The following TUSC3 variants were observed in gnomAD, a reference collection of about 807,000 sequenced individuals.
The protein encoded by TUSC3 is tumor suppressor candidate 3.
In TUSC3, 45 loss-of-function variants were observed where a neutral mutation model predicts 44.8. That is an observed-to-expected ratio of 1.00 (90% CI 0.79 to 1.29). The LOEUF (loss-of-function observed/expected upper bound fraction) is 1.29. TUSC3 is among the 50% of genes most tolerant of loss of function. The pLI is 0.00. For synonymous variants in TUSC3, 212 were observed against 152.9 expected (o/e 1.39, Z -2.85); for missense variants, 519 against 437.9 (o/e 1.19, Z -1.65).
the TUSC3 span, among the ~76,000 whole-genome samples, chr8:15,820,975 C>A: frequency 6.6e-6 from 1 of 152,256 alleles, no homozygotes; most frequent in African/African-American, 2.4e-5. Context: ...CTATTTGCCA[C>A]TTTTGTTACT....
At chr8:15,752,387 T>A (rs139024540) in intron 9 of TUSC3, among the ~76,000 whole-genome samples, 2 of 152,144 alleles carry the variant, frequency 1.3e-5, no homozygotes, top group East Asian at 3.9e-4. Flanking sequence ...TAAAATACAT[T>A]AATTAGACAG....
intron 1 of TUSC3, among the ~76,000 whole-genome samples, chr8:15,424,865 C>T (rs908055355): frequency 8.3e-5 from 12 of 144,708 alleles, no homozygotes; most frequent in East Asian, 4.1e-4. Context: ...GGTGACAGAG[C>T]GAGACTCTGT....
chr8:15,590,840 T>G (rs893136924), intron 1 of TUSC3, among the ~76,000 whole-genome samples: 2 of 151,848 alleles, frequency 1.3e-5, no homozygotes, highest in Non-Finnish European at 2.9e-5. Context: ...CCTGGCTAAT[T>G]TTTTTGTATT....
intron 1 of TUSC3, among the ~76,000 whole-genome samples, chr8:15,464,584 A>G (rs1034941260): frequency 6.6e-6 from 1 of 152,172 alleles, no homozygotes; most frequent in African/African-American, 2.4e-5. Flanking sequence ...TATCATCCTA[A>G]TATATCAGTC....
chr8:15,563,017 A>T (rs7825304), intron 1 of TUSC3, among the ~76,000 whole-genome samples: 76,490 of 151,770 alleles, frequency 0.5, 19,838 homozygotes, highest in East Asian at 0.62. Flanking sequence ...GTTACGTTAC[A>T]GTGGTTCATT....
At chr8:15,427,216 CA>C (rs1419313708) in intron 1 of TUSC3, among the ~76,000 whole-genome samples, 1 of 119,002 alleles carries the variant, frequency 8.4e-6, no homozygotes, top group African/African-American at 3.0e-5. Context: ...TCTAACGGTG[CA>C]GAAGGTTTTT....
At chr8:15,825,522 T>A in the TUSC3 span, among the ~76,000 whole-genome samples, 4 of 152,080 alleles carry the variant, frequency 2.6e-5, no homozygotes, top group African/African-American at 9.7e-5. Flanking sequence ...GAAGGAATTA[T>A]GGGAGCTACA....
chr8:15,652,620 CA>C (rs1806964016), intron 3 of TUSC3, among the ~76,000 whole-genome samples: 1 of 151,988 alleles, frequency 6.6e-6, no homozygotes, highest in East Asian at 1.9e-4. Flanking sequence ...TATGTAATTT[CA>C]AATAACCTAA....
intron 2 of TUSC3, among the ~76,000 whole-genome samples, chr8:15,528,829 C>T (rs1314627544): frequency 6.6e-6 from 1 of 152,132 alleles, no homozygotes; most frequent in Non-Finnish European, 1.5e-5. Context: ...CTTGAATTTT[C>T]TTAGTGAGTC....
intron 9 of TUSC3, 141 bp downstream of exon 9, chr8:15,748,606 C>T (rs756247872): frequency 2.5e-6 from 2 of 795,474 alleles, no homozygotes; most frequent in South Asian, 1.3e-5. Flanking sequence ...TGAGCACCTG[C>T]CATGTGTTCA....
At chr8:15,490,555 GA>G (rs1800794646) in intron 2 of TUSC3, among the ~76,000 whole-genome samples, 1 of 152,196 alleles carries the variant, frequency 6.6e-6, no homozygotes, top group African/African-American at 2.4e-5. Context: ...GAACAGCAGA[GA>G]GGGGATTTGG....
the TUSC3 span, among the ~76,000 whole-genome samples, chr8:15,830,915 C>T: frequency 2.6e-5 from 4 of 152,136 alleles, no homozygotes; most frequent in Non-Finnish European, 4.4e-5. Flanking sequence ...AAAATTAAAA[C>T]AATTAAAAAT....
intron 6 of TUSC3, among the ~76,000 whole-genome samples, chr8:15,695,130 G>A (rs878936571): frequency 6.6e-5 from 10 of 152,308 alleles, no homozygotes; most frequent in Admixed American, 2.6e-4. Flanking sequence ...TGGAAAGATC[G>A]GGTACAGGAA....
chr8:15,814,289 C>CT, the TUSC3 span, among the ~76,000 whole-genome samples: 5 of 151,982 alleles, frequency 3.3e-5, no homozygotes, highest in East Asian at 3.9e-4. Flanking sequence ...GTAACAATAT[C>CT]TTTTTTCTAG....
chr8:15,585,409 G>A (rs1443504477), intron 1 of TUSC3, among the ~76,000 whole-genome samples: 1 of 152,176 alleles, frequency 6.6e-6, no homozygotes, highest in Non-Finnish European at 1.5e-5. Flanking sequence ...AGTAAGAAAC[G>A]TGGACACAAA....
chr8:15,538,423 T>G (rs1412477197), upstream of TUSC3, among the ~76,000 whole-genome samples: 1 of 152,136 alleles, frequency 6.6e-6, no homozygotes, highest in African/African-American at 2.4e-5. Context: ...ATCAAAAGCT[T>G]GCGATACAGA....
chr8:15,582,083 T>A (rs10103892), intron 1 of TUSC3, among the ~76,000 whole-genome samples: 3 of 151,592 alleles, frequency 2.0e-5, no homozygotes, highest in Admixed American at 2.0e-4. Flanking sequence ...CAGGTGCGTC[T>A]GTCACCCCTT....
At position 15,492,460 on chromosome 8, in the gene TUSC3, T is replaced by C. The variant is rs185359799; in HGVS notation, n.189+8977T>C. Reference sequence around the variant, plus strand: ...AAGTCAGTAGGGGGAAAGTCACAAATATCCTCATTTGTTTTCACTTTAAAC... The same window carrying C: ...AAGTCAGTAGGGGGAAAGTCACAAACATCCTCATTTGTTTTCACTTTAAAC... On this transcript the variant is annotated intron_variant and non_coding_transcript_variant, in intron 2 of 5. Transcript: ENST00000503191. 3.4e-3 allele frequency among the ~76,000 whole-genome samples: 512 copies of C among 152,306 alleles called. 2 individuals are homozygous for C. Among genetic ancestry groups the C allele is most frequent in the African/African-American group, 0.012 (496 of 41,564 alleles).
chr8:15,779,437 T>G, the TUSC3 span, among the ~76,000 whole-genome samples: 2 of 151,382 alleles, frequency 1.3e-5, no homozygotes, highest in South Asian at 4.2e-4. Flanking sequence ...TAATCAAACA[T>G]GAGAACTCAG....
Sources: allele counts gnomAD v4.1 joint callset (sites outside exome capture counted in the v4.1 genomes callset), GRCh38; gene constraint gnomAD v4.1.1; transcripts MANE v1.5; gene names NCBI Gene and HGNC (gene_info 2026-07-23, HGNC 2026-07-21).